Variants in KMT2C observed in about 807,000 individuals in gnomAD.
The protein encoded by KMT2C is histone-lysine N-methyltransferase 2C.
Under a neutral mutation model 507.9 loss-of-function variants are expected in KMT2C, and 88 were observed. That is an observed-to-expected ratio of 0.17 (90% CI 0.15 to 0.21). The LOEUF (loss-of-function observed/expected upper bound fraction) is 0.21, where lower values mean the gene tolerates loss of function less well. Among genes scored for constraint, KMT2C ranks in the 10% least tolerant of loss-of-function variants. KMT2C has a pLI of 1.00. For synonymous variants in KMT2C, 2,049 were observed against 2,080.8 expected (o/e 0.98, Z 0.42); for missense variants, 4,954 against 5,957.8 (o/e 0.83, Z 5.55).
At chr7:152,366,654 A>G (rs1395076059) in intron 1 of KMT2C, 1 of 153,842 alleles carries the variant, frequency 6.5e-6, no homozygotes, top group Non-Finnish European at 1.4e-5. Context: ...AGATTTTTTA[A>G]AAAGCTATGA....
chr7:152,151,309 T>C lies in KMT2C; in HGVS notation c.12666+133A>G, dbSNP rs966114187. 4 of 890,118 alleles carry C rather than the reference T, an allele frequency of 4.5e-6. No individual in the cohort carries two copies. The African/African-American group carries it at 6.7e-5, about 15-fold the overall frequency. The allele number at this position is 890,118 out of a possible 1,614,324, so 55.1% of individuals were successfully genotyped here. On this transcript the variant is annotated intron_variant, in intron 50 of 58. Coordinates refer to ENST00000262189, the MANE Select transcript of KMT2C (RefSeq NM_170606.3). ...CAGCCCAAGCACATCTGATATACGC[T>C]GGTGCCATCACCAGGAACATGTGTC...
chr7:152,194,364 T>C, intron 29 of KMT2C, 76 bp downstream of exon 29: 3 of 1,480,940 alleles, frequency 2.0e-6, no homozygotes, highest in Middle Eastern at 3.5e-4. Context: ...AGTTAAATTA[T>C]AACCATGCAA....
chr7:152,403,709 GACACATACAC>G (rs1310782580), intron 1 of KMT2C, among the ~76,000 whole-genome samples: 530 of 141,328 alleles, frequency 3.8e-3, no homozygotes, highest in African/African-American at 6.7e-3. Context: ...GAAAAACTGG[GACACATACAC>G]ACACACACAC....
chr7:152,354,945 G>A (rs911987168), intron 2 of KMT2C, among the ~76,000 whole-genome samples: 2 of 152,154 alleles, frequency 1.3e-5, no homozygotes, highest in Non-Finnish European at 2.9e-5. Context: ...GATCACTCTG[G>A]CTACTATGTG....
At chr7:152,338,507 G>A (rs112806087) in intron 2 of KMT2C, among the ~76,000 whole-genome samples, 3 of 152,240 alleles carry the variant, frequency 2.0e-5, no homozygotes, top group African/African-American at 7.2e-5. Flanking sequence ...GCTCAGAAAG[G>A]CTTCAGAAAG....
chr7:152,319,902 A>G (rs1272555305), intron 3 of KMT2C, among the ~76,000 whole-genome samples: 2 of 151,772 alleles, frequency 1.3e-5, no homozygotes, highest in Admixed American at 1.3e-4. Context: ...GACCCACGTG[A>G]CCTTACCTAT....
intron 1 of KMT2C, among the ~76,000 whole-genome samples, chr7:152,405,561 C>A (rs796417568): frequency 1.1e-4 from 17 of 150,098 alleles, no homozygotes; most frequent in African/African-American, 3.7e-4. Flanking sequence ...ACTTTGCATT[C>A]TATTTTTTCC....
At chr7:152,384,959 A>C (rs952711227) in intron 1 of KMT2C, among the ~76,000 whole-genome samples, 2 of 152,176 alleles carry the variant, frequency 1.3e-5, no homozygotes, top group African/African-American at 4.8e-5. Flanking sequence ...GAATCAACAG[A>C]TCTAGGCATT....
chr7:152,163,895 T>C (rs948323657), intron 42 of KMT2C, 69 bp from the exon 43 acceptor site: 6 of 1,461,514 alleles, frequency 4.1e-6, no homozygotes, highest in Middle Eastern at 2.1e-4. Flanking sequence ...CACTGGCTGA[T>C]GACTGTGGTT....
chr7:152,258,250 G>A (rs1394303581), intron 9 of KMT2C, among the ~76,000 whole-genome samples: 2 of 152,190 alleles, frequency 1.3e-5, no homozygotes, highest in Admixed American at 6.5e-5. Context: ...CAGCTTGAAG[G>A]AGCAACTGAC....
chr7:152,362,841 T>C (rs2097207535), intron 1 of KMT2C, among the ~76,000 whole-genome samples: 1 of 152,240 alleles, frequency 6.6e-6, no homozygotes. Context: ...AATTTTTGCT[T>C]TTCAAATTTT....
chr7:152,206,152 G>A (rs1241724749), intron 24 of KMT2C, among the ~76,000 whole-genome samples: 2 of 152,204 alleles, frequency 1.3e-5, no homozygotes, highest in Non-Finnish European at 2.9e-5. Flanking sequence ...TAACATAAGT[G>A]AAGTGCTTAG....
intron 12 of KMT2C, among the ~76,000 whole-genome samples, chr7:152,250,601 C>T (rs149982872): frequency 7.2e-5 from 11 of 152,188 alleles, no homozygotes; most frequent in Admixed American, 2.6e-4. Context: ...AATAAAAATA[C>T]GAATTGCTTT....
intron 49 of KMT2C, among the ~76,000 whole-genome samples, 154 bp from the exon 50 acceptor site, chr7:152,151,735 CAG>C (rs2091641334): frequency 6.6e-6 from 1 of 152,104 alleles, no homozygotes; most frequent in African/African-American, 2.4e-5. Context: ...GCAATGGTTA[CAG>C]AGTCGATTAT....
At chr7:152,264,817 TATAA>T (rs2095836331) in intron 8 of KMT2C, among the ~76,000 whole-genome samples, 2 of 151,114 alleles carry the variant, frequency 1.3e-5, no homozygotes, top group African/African-American at 4.8e-5. Flanking sequence ...TTCAAAATTA[TATAA>T]ATGTTATTTA....
intron 6 of KMT2C, among the ~76,000 whole-genome samples, chr7:152,307,007 A>G (rs2096620510): frequency 6.6e-6 from 1 of 152,136 alleles, no homozygotes; most frequent in Non-Finnish European, 1.5e-5. Flanking sequence ...AAAAATTTAA[A>G]AACTAGTTAG....
intron 2 of KMT2C, among the ~76,000 whole-genome samples, chr7:152,342,008 G>A (rs903665648): frequency 6.6e-6 from 1 of 152,146 alleles, no homozygotes; most frequent in Non-Finnish European, 1.5e-5. Context: ...ATAACCAAAA[G>A]GCGCTGAAGT....
At chr7:152,381,520 T>G (rs2097373979) in intron 1 of KMT2C, among the ~76,000 whole-genome samples, 1 of 152,216 alleles carries the variant, frequency 6.6e-6, no homozygotes, top group East Asian at 1.9e-4. Context: ...GCAACACATT[T>G]CTATTCCCTC....
intron 9 of KMT2C, 84 bp downstream of exon 9, chr7:152,262,932 C>T (rs2095804211): frequency 1.1e-6 from 1 of 941,184 alleles, no homozygotes; most frequent in African/African-American, 1.7e-5. Flanking sequence ...TGATGATGTA[C>T]AGATTTGAAT....
Sources: allele counts gnomAD v4.1 joint callset (sites outside exome capture counted in the v4.1 genomes callset), GRCh38; gene constraint gnomAD v4.1.1; transcripts MANE v1.5; gene names NCBI Gene and HGNC (gene_info 2026-07-23, HGNC 2026-07-21).